Variants in SYPL2 observed in about 807,000 individuals in gnomAD.
SYPL2 encodes synaptophysin like 2.
In SYPL2, 24 loss-of-function variants were observed where a neutral mutation model predicts 31.3. That is an observed-to-expected ratio of 0.77 (90% CI 0.56 to 1.08). The LOEUF (loss-of-function observed/expected upper bound fraction) is 1.08. Ranked by LOEUF, SYPL2 falls within the 50% of genes least tolerant of loss-of-function variation. The pLI, the probability that SYPL2 is intolerant of heterozygous loss-of-function variation, is 0.00. For missense variants in SYPL2, 342 were observed against 360.1 expected (o/e 0.95, Z 0.41); for synonymous variants, 144 against 143.1 (o/e 1.01, Z -0.05).
rs1354021404 is a variant in SYPL2, at chr1:109,478,966, T to C, written c.649-412T>C. On this transcript the variant is annotated intron_variant, in intron 5 of 5. Transcript: ENST00000369872. The surrounding 1 kb of genome is among the most constrained non-coding windows in gnomAD (Gnocchi z 4.0). ...CTATTTGAACATAGCCCTGGCTAGG[T>C]GCCTGATCACAGGGAAGGAGCACCT... 1.3e-5 allele frequency among the ~76,000 whole-genome samples: 2 copies of C among 152,236 alleles called. No individual in the cohort carries two copies. The highest frequency in any genetic ancestry group is 1.3e-4 in the Admixed American group (2 of 15,288).
chr1:109,475,355 A>G (rs745314932), intron 2 of SYPL2: 6 of 510,824 alleles, frequency 1.2e-5, no homozygotes, highest in Middle Eastern at 5.4e-4. Context: ...CCTTGCAGAC[A>G]CCACTCAGTC....
At position 109,476,985 on chromosome 1, in the gene SYPL2, A is replaced by G; in HGVS notation, c.456+8A>G. ...AAACGCTTCCCGCTGGTGGTGAGTC[A>G]GCACAGGCCAGAAGGAATGGGGTGG... On this transcript the variant is annotated splice_region_variant and intron_variant, in intron 4 of 5. Coordinates refer to ENST00000369872, the MANE Select transcript of SYPL2 (RefSeq NM_001040709.2). 1 of 1,614,172 alleles carries G rather than the reference A, an allele frequency of 6.2e-7. No homozygotes were observed.
At position 109,480,460 on chromosome 1, in the gene SYPL2, C is replaced by T. The variant is rs1018206739; in HGVS notation, c.*912C>T. ...CCTTACTTCTCTGTCCATCTCCCTT[C>T]CCCAGCATCGTGCATCTGAGGCATT... On this transcript the variant is annotated 3_prime_UTR_variant, in exon 6 of 6. Coordinates refer to ENST00000369872, the MANE Select transcript of SYPL2 (RefSeq NM_001040709.2). 1.3e-5 allele frequency: 2 copies of T among 152,242 alleles called. No individual in the cohort carries two copies. The highest frequency in any genetic ancestry group is 6.5e-5 in the Admixed American group (1 of 15,276). 9.4% of individuals were successfully genotyped at this position (152,242 alleles called of 1,614,324 possible). A position where few individuals can be genotyped will look rare whatever the true frequency, so the allele number is the denominator to read the frequency against.
At position 109,478,274 on chromosome 1, in the gene SYPL2, C is replaced by T. The variant is rs1656060928; in HGVS notation, c.648+265C>T. On this transcript the variant is annotated intron_variant, in intron 5 of 5. Transcript: ENST00000369872. The surrounding 1 kb of genome is among the most constrained non-coding windows in gnomAD (Gnocchi z 4.0). ...TGCCTCCAATTCCCTTCTCATTTCC[C>T]CACCTCTAGGCACGCTCTCTGTGAT... Among the ~76,000 whole-genome samples the T allele has an allele frequency of 6.6e-6, 1 of 152,230 alleles. No individual in the cohort carries two copies. Among genetic ancestry groups the T allele is most frequent in the African/African-American group, 2.4e-5 (1 of 41,466 alleles).
At position 109,466,963 on chromosome 1, in the gene SYPL2, T is replaced by C. The variant is rs1209630668; in HGVS notation, c.54+66T>C. 3 of 1,534,908 alleles carry C rather than the reference T, an allele frequency of 2.0e-6. No individual in the cohort carries two copies. In the African/African-American group the frequency reaches 4.1e-5, roughly 21 times the overall value. On this transcript the variant is annotated intron_variant, in intron 1 of 5. Coordinates refer to ENST00000369872, the MANE Select transcript of SYPL2 (RefSeq NM_001040709.2). ...ACCTAGATGTCGGGCTGCACACTTA[T>C]CCCACCCCTGGACCGCGTGTGAGTG... is the stretch of plus-strand genomic sequence containing the variant.
chr1:109,476,892 T>C lies in SYPL2; in HGVS notation c.371T>C (p.Phe124Ser). 8 of 1,614,226 alleles carry C rather than the reference T, an allele frequency of 5.0e-6. No homozygotes were observed. Among genetic ancestry groups the C allele is most frequent in the Non-Finnish European group, 6.8e-6 (8 of 1,180,036 alleles). Residue 124 changes from phenylalanine to serine, a missense_variant, in exon 4 of 6, where the codon TTT becomes TCT. Transcript: ENST00000369872. ...GAGTTCTTCGTGACCCTTGGCATCT[T>C]TTCCTTCTTCTATACCATGGCTGCC... Reference protein sequence around the residue: ...PAEFFVTLGIFSFFYTMAALV... With the variant: ...PAEFFVTLGISSFFYTMAALV...
Position 109,469,502 on chromosome 1 carries a change from A to T in SYPL2, c.129+2369A>T, listed in dbSNP as rs529168809. 5.1e-4 allele frequency among the ~76,000 whole-genome samples: 77 copies of T among 151,276 alleles called. No homozygotes were observed. The South Asian group carries it at 0.01, about 21-fold the overall frequency. On this transcript the variant is annotated intron_variant, in intron 2 of 5. Coordinates refer to ENST00000369872, the MANE Select transcript of SYPL2 (RefSeq NM_001040709.2). ...TTATTGGAGAACTAGTTTTTTTTTA[A>T]AAAAGAAAAGGACATCAAATCATAG... is the stretch of plus-strand genomic sequence containing the variant.
chr1:109,469,650 C>T (rs1655764247), intron 2 of SYPL2, among the ~76,000 whole-genome samples: 1 of 151,074 alleles, frequency 6.6e-6, no homozygotes, highest in Non-Finnish European at 1.5e-5. Flanking sequence ...TGACACAAGC[C>T]TGGGCAATAA....
chr1:109,479,225 T>C (rs1057196510), intron 5 of SYPL2, among the ~76,000 whole-genome samples, 153 bp from the exon 6 acceptor site: 2 of 152,238 alleles, frequency 1.3e-5, no homozygotes, highest in African/African-American at 4.8e-5. Flanking sequence ...TCCTGAGCCC[T>C]GCCTCTATAC....
Position 109,466,856 on chromosome 1 carries a change from G to C in SYPL2, c.13G>C (p.Glu5Gln). Residue 5 changes from glutamate (E) to glutamine (Q), a missense_variant, in exon 1 of 6, where the codon GAG becomes CAG. Transcript: ENST00000369872. MSST[E>Q]SAGRTADKSP... ...TCGCCGCGCCAGCATGTCCTCGACC[G>C]AGAGCGCCGGCCGCACGGCGGACAA... 1 of 1,528,412 alleles carries C rather than the reference G, an allele frequency of 6.5e-7. No homozygotes were observed. The highest frequency in any genetic ancestry group is 8.7e-7 in the Non-Finnish European group (1 of 1,143,602). 94.7% of individuals were successfully genotyped at this position (1,528,412 alleles called of 1,614,324 possible).
chr1:109,475,554 T>C (rs200528954), intron 2 of SYPL2, 27 bp from the exon 3 acceptor site: 745 of 1,607,750 alleles, frequency 4.6e-4, no homozygotes, highest in Non-Finnish European at 5.9e-4. Context: ...GCCTTCTGAC[T>C]CTCAAAGAGG....
chr1:109,466,689 C>T lies in SYPL2; in HGVS notation c.-155C>T. 1 of 718,174 alleles carries T rather than the reference C, an allele frequency of 1.4e-6. No individual in the cohort carries two copies. Among genetic ancestry groups the T allele is most frequent in the Non-Finnish European group, 2.0e-6 (1 of 505,248 alleles). 44.5% of individuals were successfully genotyped at this position (718,174 alleles called of 1,614,324 possible). On this transcript the variant is annotated 5_prime_UTR_variant, in exon 1 of 6. Coordinates refer to ENST00000369872, the MANE Select transcript of SYPL2 (RefSeq NM_001040709.2). ...CCCGCGTCCCAGCCAGCCAGCCAGC[C>T]AGACTGGACTCCGGCCCACCGACGG...
At chr1:109,468,182 G>T (rs1005459550) in intron 2 of SYPL2, among the ~76,000 whole-genome samples, 1 of 152,214 alleles carries the variant, frequency 6.6e-6, no homozygotes, top group Non-Finnish European at 1.5e-5. Context: ...TTGCAGAAGA[G>T]ATTTTAAATT....
intron 4 of SYPL2, among the ~76,000 whole-genome samples, chr1:109,477,226 G>T (rs1489650921): frequency 2.6e-5 from 4 of 152,112 alleles, no homozygotes; most frequent in African/African-American, 9.7e-5. Context: ...TGTGATCTCG[G>T]ACAAGTTAAA....
At chr1:109,477,039 G>A in intron 4 of SYPL2, 62 bp downstream of exon 4, 1 of 1,594,016 alleles carries the variant, frequency 6.3e-7, no homozygotes, top group Non-Finnish European at 8.6e-7. Context: ...GGGGGTTGAG[G>A]TCAGAACTGG....
chr1:109,469,491 G>GT (rs201527122), intron 2 of SYPL2, among the ~76,000 whole-genome samples: 84 of 149,144 alleles, frequency 5.6e-4, no homozygotes, highest in Middle Eastern at 3.5e-3. Flanking sequence ...TGGAGAACTA[G>GT]TTTTTTTTTA....
At chr1:109,475,103 A>G (rs1655954298) in intron 2 of SYPL2, 1 of 152,658 alleles carries the variant, frequency 6.6e-6, no homozygotes, top group African/African-American at 2.4e-5. Flanking sequence ...AGATTAGATG[A>G]CTAGTTCAAA....
Position 109,475,724 on chromosome 1 carries a change from C to A in SYPL2, c.254+19C>A. On this transcript the variant is annotated intron_variant, in intron 3 of 5. Coordinates refer to ENST00000369872, the MANE Select transcript of SYPL2 (RefSeq NM_001040709.2). The stretch of plus-strand genomic sequence containing the variant: ...CCTTCAGGTGAGCAAGAATTGGTTC[C>A]AACCCAGCACATCATCTCTCACTTG... 6.2e-7 allele frequency: 1 copy of A among 1,606,210 alleles called. No individual in the cohort carries two copies.
intron 2 of SYPL2, among the ~76,000 whole-genome samples, chr1:109,467,768 G>C (rs1018521794): frequency 6.6e-6 from 1 of 152,214 alleles, no homozygotes; most frequent in Non-Finnish European, 1.5e-5. Context: ...ATCACGGCAT[G>C]GCTAAAATGT....
Sources: gnomAD v4.1 joint callset for allele counts (sites outside exome capture counted in the v4.1 genomes callset) on GRCh38, gnomAD v4.1.1 for gene constraint, Gnocchi (gnomAD v3.1) non-coding constraint, MANE v1.5 for transcripts, NCBI Gene and HGNC (gene_info 2026-07-23, HGNC 2026-07-21) for gene names.